CAMK2D: variants seen among roughly 807,000 people sequenced by gnomAD.
CAMK2D encodes the protein calcium/calmodulin dependent protein kinase II delta.
In CAMK2D, 37 loss-of-function variants were observed where a neutral mutation model predicts 84.0. The ratio of observed to expected loss-of-function variants is 0.44; its 90% CI spans 0.34 to 0.58. CAMK2D has a LOEUF of 0.58. Ranked by LOEUF, CAMK2D falls within the 20% of genes least tolerant of loss-of-function variation. CAMK2D has a pLI of 0.02. For missense variants in CAMK2D, 448 were observed against 652.5 expected, an observed-to-expected ratio of 0.69 and a Z score of 3.41; for synonymous variants, 202 against 212.5, an observed-to-expected ratio of 0.95 and a Z score of 0.43.
chr4:113,496,511 C>G (rs182463323), intron 16 of CAMK2D, among the ~76,000 whole-genome samples: 116 of 146,612 alleles, frequency 7.9e-4, no homozygotes, highest in Non-Finnish European at 1.3e-3. Context: ...TGCAGAGGCA[C>G]AATCTCGGCT....
At chr4:113,525,657 T>C (rs2098411273) in intron 8 of CAMK2D, among the ~76,000 whole-genome samples, 1 of 152,194 alleles carries the variant, frequency 6.6e-6, no homozygotes, top group African/African-American at 2.4e-5. Context: ...ATAAAAATAA[T>C]GTACAGGCTT....
chr4:113,656,860 G>C (rs1268986514), intron 3 of CAMK2D, among the ~76,000 whole-genome samples: 1 of 152,100 alleles, frequency 6.6e-6, no homozygotes, highest in African/African-American at 2.4e-5. Flanking sequence ...CATCAGGCAG[G>C]TTCCTCTTTT....
intron 16 of CAMK2D, among the ~76,000 whole-genome samples, chr4:113,487,173 T>G (rs1289905739): frequency 1.3e-5 from 2 of 152,170 alleles, no homozygotes; most frequent in Non-Finnish European, 2.9e-5. Flanking sequence ...TCATATTAGC[T>G]TGAGATAAAA....
intron 2 of CAMK2D, among the ~76,000 whole-genome samples, chr4:113,723,108 A>T (rs947544793): frequency 1.3e-5 from 2 of 151,686 alleles, no homozygotes; most frequent in Non-Finnish European, 2.9e-5. Flanking sequence ...CACATATAAA[A>T]TTTTTTGAGT....
At chr4:113,587,405 G>A (rs913229017) in intron 4 of CAMK2D, among the ~76,000 whole-genome samples, 2 of 152,150 alleles carry the variant, frequency 1.3e-5, no homozygotes, top group Non-Finnish European at 2.9e-5. Context: ...TTGTGACTAT[G>A]GCTTTTTACT....
At chr4:113,713,946 T>C (rs1468072679) in intron 2 of CAMK2D, among the ~76,000 whole-genome samples, 1 of 151,926 alleles carries the variant, frequency 6.6e-6, no homozygotes, top group Non-Finnish European at 1.5e-5. Context: ...TCTATTAATT[T>C]TTTACTGATG....
At chr4:113,659,999 CCACT>C (rs1368343181) in intron 3 of CAMK2D, among the ~76,000 whole-genome samples, 1 of 151,908 alleles carries the variant, frequency 6.6e-6, no homozygotes, top group African/African-American at 2.4e-5. Context: ...TAAGATGCAC[CCACT>C]AAGTGCAGAA....
chr4:113,505,131 A>C, intron 13 of CAMK2D, 96 bp from the exon 14 acceptor site: 1 of 577,166 alleles, frequency 1.7e-6, no homozygotes, highest in Non-Finnish European at 2.9e-6. Context: ...TGTAGACATG[A>C]AGATAAAGAG....
At chr4:113,709,295 TTAAG>T (rs988868813) in intron 2 of CAMK2D, among the ~76,000 whole-genome samples, 38 of 152,164 alleles carry the variant, frequency 2.5e-4, no homozygotes, top group African/African-American at 9.1e-4. Flanking sequence ...TCCAGATAAA[TTAAG>T]ATTATCATTT....
rs546069850 is a variant in CAMK2D at position 113,607,244 on chromosome 4, C to T, written c.275+1908G>A. Among the ~76,000 whole-genome samples, 3 of 152,276 alleles carry T rather than the reference C, an allele frequency of 2.0e-5. No homozygotes were observed. The South Asian group carries it at 6.2e-4, about 32-fold the overall frequency. ...AGAAAGGACTGAAGAGGAAGCACTA[C>T]TAGAACAACATAGAGCCAGATGAAA... On this transcript the variant is annotated intron_variant, in intron 4 of 20. Coordinates refer to ENST00000511664, the MANE Select transcript of CAMK2D (RefSeq NM_001321571.2).
chr4:113,667,748 A>G (rs939606861), intron 2 of CAMK2D, among the ~76,000 whole-genome samples: 1 of 152,206 alleles, frequency 6.6e-6, no homozygotes, highest in Non-Finnish European at 1.5e-5. Flanking sequence ...ATTAAATATT[A>G]CAAAACTATG....
At chr4:113,470,690 C>G (rs1589799461) in intron 16 of CAMK2D, among the ~76,000 whole-genome samples, 1 of 151,606 alleles carries the variant, frequency 6.6e-6, no homozygotes, top group Non-Finnish European at 1.5e-5. Flanking sequence ...TAGGTCAGGT[C>G]CCCGCGATGT....
chr4:113,511,157 A>G (rs2098207879), intron 12 of CAMK2D, among the ~76,000 whole-genome samples: 1 of 152,216 alleles, frequency 6.6e-6, no homozygotes, highest in South Asian at 2.1e-4. Context: ...AAAAACAACA[A>G]CTTTATAACC....
intron 2 of CAMK2D, among the ~76,000 whole-genome samples, chr4:113,741,545 TG>T (rs1312936701): frequency 6.6e-6 from 1 of 152,158 alleles, no homozygotes; most frequent in African/African-American, 2.4e-5. Context: ...AGACACCAAC[TG>T]GGGGTCTTGG....
intron 12 of CAMK2D, among the ~76,000 whole-genome samples, chr4:113,512,193 T>C (rs2098224002): frequency 6.6e-6 from 1 of 152,180 alleles, no homozygotes; most frequent in Non-Finnish European, 1.5e-5. Flanking sequence ...TCCTTCCCCC[T>C]ACATAAGACT....
At chr4:113,726,791 A>G (rs1455753158) in intron 2 of CAMK2D, among the ~76,000 whole-genome samples, 1 of 152,128 alleles carries the variant, frequency 6.6e-6, no homozygotes, top group Non-Finnish European at 1.5e-5. Context: ...AAACTACGAG[A>G]GATCACACTT....
chr4:113,751,567 C>T (rs969065912), intron 2 of CAMK2D, among the ~76,000 whole-genome samples: 2 of 152,022 alleles, frequency 1.3e-5, no homozygotes, highest in African/African-American at 4.8e-5. Flanking sequence ...GTCCGGTGTT[C>T]GAGACCAGCC....
chr4:113,756,211 T>C (rs2099628270), intron 2 of CAMK2D, among the ~76,000 whole-genome samples: 1 of 151,998 alleles, frequency 6.6e-6, no homozygotes, highest in South Asian at 2.1e-4. Context: ...TGGTTGATAG[T>C]ATAGTTGGAT....
intron 8 of CAMK2D, among the ~76,000 whole-genome samples, chr4:113,523,196 G>T (rs2098383478): frequency 6.6e-6 from 1 of 152,110 alleles, no homozygotes; most frequent in Admixed American, 6.6e-5. Context: ...CAGTCTATGT[G>T]ACTTTGTTAT....
Sources: gnomAD v4.1 joint callset for allele counts (sites outside exome capture counted in the v4.1 genomes callset) on GRCh38, gnomAD v4.1.1 for gene constraint, MANE v1.5 for transcripts, NCBI Gene and HGNC (gene_info 2026-07-23, HGNC 2026-07-21) for gene names.